The following ZCWPW2 variants were observed in gnomAD, a reference collection of about 807,000 sequenced individuals.
The protein encoded by ZCWPW2 is zinc finger CW-type PWWP domain protein 2.
A neutral mutation model predicts 46.6 loss-of-function variants in ZCWPW2; 45 were observed. The observed-to-expected ratio is 0.96, with a 90% CI of 0.76 to 1.24. ZCWPW2 has a LOEUF of 1.24. ZCWPW2 is among the 50% of genes most tolerant of loss of function. ZCWPW2 has a pLI of 0.00. For missense variants in ZCWPW2, 429 were observed against 403.9 expected (o/e 1.06, Z -0.53); for synonymous variants, 152 against 137.1 (o/e 1.11, Z -0.76).
At chr3:28,470,533 A>G (rs58228744) in intron 4 of ZCWPW2, among the ~76,000 whole-genome samples, 4,136 of 151,606 alleles carry the variant, frequency 0.027, 173 homozygotes, top group African/African-American at 0.085. Context: ...TTAAAAATTC[A>G]TTGAAACAAA....
At chr3:28,369,054 A>G (rs943433332) in intron 1 of ZCWPW2, among the ~76,000 whole-genome samples, 1 of 151,980 alleles carries the variant, frequency 6.6e-6, no homozygotes, top group Admixed American at 6.5e-5. Flanking sequence ...CTAGTTAGCC[A>G]TTCGTCTAAT....
intron 9 of ZCWPW2, among the ~76,000 whole-genome samples, chr3:28,522,680 A>G (rs1299842004): frequency 1.3e-5 from 2 of 152,200 alleles, no homozygotes; most frequent in Non-Finnish European, 2.9e-5. Flanking sequence ...GTTGAAAAAC[A>G]TAACTTTCTT....
chr3:28,443,549 A>G (rs542099176), intron 4 of ZCWPW2, among the ~76,000 whole-genome samples: 1 of 132,092 alleles, frequency 7.6e-6, no homozygotes, highest in Non-Finnish European at 1.7e-5. Context: ...TTCTAGGAAC[A>G]TTGTGATTAA....
Position 28,431,262 on chromosome 3 carries a change from T to TTA in ZCWPW2, c.333-3838_333-3837dup, listed in dbSNP as rs1468856060. On this transcript the variant is annotated intron_variant, in intron 3 of 9. Transcript: ENST00000383768. ...CCTCCTCTCAGTTGTACCAAATATC[T>TTA]TATATATATATGATTGTATTTGTTT... Among the ~76,000 whole-genome samples, 6 of 152,216 alleles carry TTA rather than the reference T, an allele frequency of 3.9e-5. No homozygotes were observed. In the East Asian group the frequency reaches 5.8e-4, roughly 15 times the overall value.
chr3:28,394,367 G>T (rs943051555), intron 2 of ZCWPW2, among the ~76,000 whole-genome samples: 3 of 152,114 alleles, frequency 2.0e-5, no homozygotes, highest in African/African-American at 7.2e-5. Context: ...CAGATTCAAT[G>T]CAATTTCTAT....
rs1704409203 is a variant in ZCWPW2, at chr3:28,349,006, G to C, written c.-331G>C. 2.0e-6 allele frequency: 2 copies of C among 985,800 alleles called. No homozygotes were observed. The highest frequency in any genetic ancestry group is 2.4e-6 in the Non-Finnish European group (2 of 830,354). The allele number at this position is 985,800 out of a possible 1,614,324, so 61.1% of individuals were successfully genotyped here. A position where few individuals can be genotyped will look rare whatever the true frequency, so the allele number is the denominator to read the frequency against. ...CGGAAAAGGGGCTGCCGCTGTCCGC[G>C]GGCTCGGCGCCAGGGACGCGCGAGG... On this transcript the variant is annotated 5_prime_UTR_variant, in exon 1 of 10. Coordinates refer to ENST00000383768, the MANE Select transcript of ZCWPW2 (RefSeq NM_001040432.4).
chr3:28,424,926 G>T (rs1327962462), intron 3 of ZCWPW2, among the ~76,000 whole-genome samples: 1 of 152,096 alleles, frequency 6.6e-6, no homozygotes, highest in African/African-American at 2.4e-5. Context: ...ACTTATGAAG[G>T]TATTTGTAGT....
At chr3:28,426,469 G>A (rs1383556974) in intron 3 of ZCWPW2, among the ~76,000 whole-genome samples, 1 of 152,050 alleles carries the variant, frequency 6.6e-6, no homozygotes, top group Non-Finnish European at 1.5e-5. Flanking sequence ...GCATTATATT[G>A]TAGTCCAGTT....
At chr3:28,452,127 A>G (rs1698247163) in intron 4 of ZCWPW2, among the ~76,000 whole-genome samples, 1 of 152,214 alleles carries the variant, frequency 6.6e-6, no homozygotes, top group African/African-American at 2.4e-5. Flanking sequence ...ACAATAGGAA[A>G]AGAATAAAGT....
At chr3:28,421,191 T>C (rs1696770332) in intron 3 of ZCWPW2, among the ~76,000 whole-genome samples, 1 of 152,144 alleles carries the variant, frequency 6.6e-6, no homozygotes, top group African/African-American at 2.4e-5. Flanking sequence ...TCAATTCCAC[T>C]GTGCAGAGGT....
intron 2 of ZCWPW2, among the ~76,000 whole-genome samples, chr3:28,411,642 C>A (rs1696403087): frequency 6.6e-6 from 1 of 152,012 alleles, no homozygotes; most frequent in African/African-American, 2.4e-5. Context: ...TAACACATAA[C>A]CTGGCTCCAA....
At chr3:28,457,202 A>G (rs1213389924) in intron 4 of ZCWPW2, among the ~76,000 whole-genome samples, 1 of 152,078 alleles carries the variant, frequency 6.6e-6, no homozygotes, top group Admixed American at 6.6e-5. Flanking sequence ...TAGAATTATC[A>G]CTTCTTTACC....
intron 1 of ZCWPW2, among the ~76,000 whole-genome samples, chr3:28,370,267 C>G (rs1705278780): frequency 6.6e-6 from 1 of 152,196 alleles, no homozygotes; most frequent in Non-Finnish European, 1.5e-5. Context: ...GAACTGTAGA[C>G]TGGAGCTGTT....
intron 6 of ZCWPW2, among the ~76,000 whole-genome samples, chr3:28,495,223 T>G (rs1332747774): frequency 1.3e-5 from 2 of 152,136 alleles, no homozygotes; most frequent in African/African-American, 4.8e-5. Flanking sequence ...TCTTGGCTTT[T>G]CACTGGCTGA....
intron 6 of ZCWPW2, among the ~76,000 whole-genome samples, chr3:28,503,190 G>A (rs1016153565): frequency 3.3e-5 from 5 of 152,108 alleles, no homozygotes; most frequent in Non-Finnish European, 7.4e-5. Context: ...GAGCCAGAAA[G>A]CAAGAAATAT....
chr3:28,510,248 T>C, intron 6 of ZCWPW2, among the ~76,000 whole-genome samples: 1 of 152,184 alleles, frequency 6.6e-6, no homozygotes, highest in East Asian at 1.9e-4. Flanking sequence ...TGTGACCACC[T>C]TCTTTTAGCT....
intron 4 of ZCWPW2, among the ~76,000 whole-genome samples, chr3:28,459,840 C>T (rs1005047016): frequency 6.6e-6 from 1 of 151,970 alleles, no homozygotes; most frequent in African/African-American, 2.4e-5. Context: ...ATTGGGGCTT[C>T]TTTAAAAAAA....
chr3:28,431,114 T>G (rs901838131), intron 3 of ZCWPW2, among the ~76,000 whole-genome samples: 3 of 152,210 alleles, frequency 2.0e-5, no homozygotes, highest in Non-Finnish European at 4.4e-5. Flanking sequence ...GATATTTTAT[T>G]TTTGTGATTT....
chr3:28,426,270 A>G (rs1697007610), intron 3 of ZCWPW2, among the ~76,000 whole-genome samples: 1 of 151,714 alleles, frequency 6.6e-6, no homozygotes, highest in African/African-American at 2.4e-5. Flanking sequence ...ATCATATGCT[A>G]TTGTATTTGG....
Sources: gnomAD v4.1 joint callset for allele counts (sites outside exome capture counted in the v4.1 genomes callset) on GRCh38, gnomAD v4.1.1 for gene constraint, MANE v1.5 for transcripts, NCBI Gene and HGNC (gene_info 2026-07-23, HGNC 2026-07-21) for gene names.